Variants in RBFOX1 observed in about 807,000 individuals in gnomAD.
The protein encoded by RBFOX1 is RNA binding protein fox-1 homolog 1.
A neutral mutation model predicts 57.7 loss-of-function variants in RBFOX1; 8 were observed. The observed-to-expected ratio is 0.14, with a 90% CI of 0.08 to 0.25. The LOEUF (loss-of-function observed/expected upper bound fraction) is 0.25, where lower values mean the gene tolerates loss of function less well. Ranked by LOEUF, RBFOX1 falls within the 10% of genes least tolerant of loss-of-function variation. The probability of loss-of-function intolerance (pLI) is 1.00; values close to 1 mark genes in which losing one functional copy is unlikely to be tolerated. For missense variants in RBFOX1, 611 were observed against 548.5 expected (o/e 1.11, Z -1.14); for synonymous variants, 326 against 222.4 (o/e 1.47, Z -4.15).
intron 4 of RBFOX1, among the ~76,000 whole-genome samples, chr16:7,255,011 C>A (rs2094621194): frequency 1.3e-5 from 2 of 152,180 alleles, no homozygotes; most frequent in Admixed American, 6.5e-5. Flanking sequence ...CTGTTGTGTC[C>A]TGAGTGTGCA....
At chr16:6,279,072 G>C (rs1378549631) in intron 1 of RBFOX1, among the ~76,000 whole-genome samples, 1 of 152,074 alleles carries the variant, frequency 6.6e-6, no homozygotes, top group Non-Finnish European at 1.5e-5. Flanking sequence ...TGCAGGTGGG[G>C]GGAAATTGAT....
At chr16:5,603,022 T>C (rs1157293563), downstream of RBFOX1, among the ~76,000 whole-genome samples, 1 of 152,160 alleles carries the variant, frequency 6.6e-6, no homozygotes, top group African/African-American at 2.4e-5. Flanking sequence ...ATAGACTTTT[T>C]GGTCCTTGCC....
At chr16:6,980,707 G>C (rs981392973) in intron 3 of RBFOX1, among the ~76,000 whole-genome samples, 1 of 152,142 alleles carries the variant, frequency 6.6e-6, no homozygotes, top group Non-Finnish European at 1.5e-5. Context: ...TTTGGAGGGA[G>C]CAATGTCATC....
At chr16:5,819,887 T>C (rs546132265) in intron 3 of RBFOX1, among the ~76,000 whole-genome samples, 15 of 152,336 alleles carry the variant, frequency 9.8e-5, no homozygotes, top group African/African-American at 3.6e-4. Flanking sequence ...CCTGTCACTT[T>C]TTCATTCATC....
chr16:5,452,952 G>A (rs773657234), intron 1 of RBFOX1, among the ~76,000 whole-genome samples: 2 of 152,140 alleles, frequency 1.3e-5, no homozygotes, highest in Non-Finnish European at 2.9e-5. Flanking sequence ...TTTTTTACTT[G>A]AAATGTTTCA....
intron 5 of RBFOX1, among the ~76,000 whole-genome samples, chr16:7,557,630 AAAAAAAAAAAAAGAAAAAG>A (rs1326989012): frequency 6.5e-5 from 8 of 122,206 alleles, no homozygotes; most frequent in Admixed American, 2.8e-4. Flanking sequence ...AAAAAAAAAA[AAAAAAAAAAAAAGAAAAAG>A]AAAAAAAAAA....
chr16:5,810,405 C>T (rs1405593439), intron 3 of RBFOX1, among the ~76,000 whole-genome samples: 3 of 152,178 alleles, frequency 2.0e-5, no homozygotes, highest in African/African-American at 7.2e-5. Context: ...ATCTTGCTGA[C>T]ACCTGATCTT....
chr16:7,193,783 A>G (rs577866531), intron 4 of RBFOX1, among the ~76,000 whole-genome samples: 1 of 152,224 alleles, frequency 6.6e-6, no homozygotes, highest in South Asian at 2.1e-4. Flanking sequence ...ACTAGACTCT[A>G]GCACAACAGG....
At chr16:6,327,385 G>T (rs1290466233) in intron 2 of RBFOX1, among the ~76,000 whole-genome samples, 1 of 152,030 alleles carries the variant, frequency 6.6e-6, no homozygotes, top group Non-Finnish European at 1.5e-5. Context: ...AGCACCTATA[G>T]AGTTTTCATC....
chr16:6,185,613 A>C (rs2097100268), intron 1 of RBFOX1, among the ~76,000 whole-genome samples: 1 of 152,244 alleles, frequency 6.6e-6, no homozygotes, highest in African/African-American at 2.4e-5. Context: ...ACCAATGTAC[A>C]CAGAGCATTT....
chr16:6,687,688 G>A (rs1175349165), intron 3 of RBFOX1, among the ~76,000 whole-genome samples: 3 of 152,132 alleles, frequency 2.0e-5, no homozygotes, highest in Non-Finnish European at 4.4e-5. Context: ...TTTATGTCCT[G>A]TATGGTTTTT....
intron 4 of RBFOX1, among the ~76,000 whole-genome samples, chr16:7,425,367 C>T (rs956389954): frequency 6.6e-6 from 1 of 152,254 alleles, no homozygotes; most frequent in Middle Eastern, 3.4e-3. Context: ...TTACCTTCTC[C>T]ACGTCTTCAT....
intron 2 of RBFOX1, among the ~76,000 whole-genome samples, chr16:6,519,240 G>T (rs904794364): frequency 6.6e-6 from 1 of 152,178 alleles, no homozygotes; most frequent in Non-Finnish European, 1.5e-5. Flanking sequence ...GTTGAGTGAA[G>T]AGTGGGAGTG....
intron 4 of RBFOX1, among the ~76,000 whole-genome samples, chr16:7,225,371 C>G (rs1320703401): frequency 6.6e-6 from 1 of 152,084 alleles, no homozygotes; most frequent in East Asian, 1.9e-4. Context: ...TTCATGAGAT[C>G]TGATGGTTTT....
chr16:6,791,322 T>G (rs1031489706), intron 3 of RBFOX1, among the ~76,000 whole-genome samples: 13 of 152,316 alleles, frequency 8.5e-5, no homozygotes, highest in Admixed American at 5.2e-4. Flanking sequence ...ATATGATTAG[T>G]TATTGATTAT....
intron 3 of RBFOX1, among the ~76,000 whole-genome samples, chr16:5,860,904 A>G (rs2057196620): frequency 6.6e-6 from 1 of 152,178 alleles, no homozygotes; most frequent in South Asian, 2.1e-4. Flanking sequence ...GCAGGTGGAG[A>G]TAAAAAGGAA....
intron 3 of RBFOX1, among the ~76,000 whole-genome samples, chr16:6,809,300 C>T (rs1203445495): frequency 6.6e-6 from 1 of 152,118 alleles, no homozygotes; most frequent in East Asian, 1.9e-4. Flanking sequence ...TTTAATTTGG[C>T]TGAAGTTTTT....
At chr16:6,738,755 A>G (rs2071195645) in intron 3 of RBFOX1, among the ~76,000 whole-genome samples, 1 of 152,278 alleles carries the variant, frequency 6.6e-6, no homozygotes, top group African/African-American at 2.4e-5. Context: ...AGACATCAGC[A>G]AATGTAAAGA....
At chr16:6,623,572 C>T (rs1469793062) in intron 2 of RBFOX1, among the ~76,000 whole-genome samples, 1 of 151,776 alleles carries the variant, frequency 6.6e-6, no homozygotes, top group East Asian at 1.9e-4. Context: ...TTAGGTATAT[C>T]TCCTAATGCT....
Sources: gnomAD v4.1 joint callset for allele counts (sites outside exome capture counted in the v4.1 genomes callset) on GRCh38, gnomAD v4.1.1 for gene constraint, MANE v1.5 for transcripts, NCBI Gene and HGNC (gene_info 2026-07-23, HGNC 2026-07-21) for gene names.